CSMD3: variants seen among roughly 807,000 people sequenced by gnomAD.
CSMD3 encodes the protein CUB and Sushi multiple domains 3.
Under a neutral mutation model 435.2 loss-of-function variants are expected in CSMD3, and 177 were observed. The observed-to-expected ratio is 0.41, with a 90% CI of 0.36 to 0.46. The LOEUF is 0.46. CSMD3 is among the 20% of genes least tolerant of loss of function. The probability of loss-of-function intolerance (pLI) is 0.34; values close to 1 mark genes in which losing one functional copy is unlikely to be tolerated. For synonymous variants in CSMD3, 1,656 were observed against 1,520.5 expected, an observed-to-expected ratio of 1.09 and a Z score of -2.07; for missense variants, 4,265 against 4,504.6, an observed-to-expected ratio of 0.95 and a Z score of 1.52.
At chr8:112,904,106 G>C (rs1024594579) in intron 10 of CSMD3, among the ~76,000 whole-genome samples, 4 of 151,198 alleles carry the variant, frequency 2.6e-5, no homozygotes, top group African/African-American at 9.7e-5. Flanking sequence ...ATGATGTTTA[G>C]CTGGGAACTG....
At position 113,250,653 on chromosome 8, in the gene CSMD3, T is replaced by C. The variant is rs181422793; in HGVS notation, c.514+27939A>G. 5.3e-5 allele frequency among the ~76,000 whole-genome samples: 8 copies of C among 152,234 alleles called. No individual in the cohort carries two copies. The East Asian group carries it at 9.6e-4, about 18-fold the overall frequency. ...GCCAAACAGACAATCTTGTGTCTGA[T>C]GGATTAAATATGGTCAAAATGTAGA... On this transcript the variant is annotated intron_variant, in intron 3 of 70. Coordinates refer to ENST00000297405, the MANE Select transcript of CSMD3 (RefSeq NM_198123.2).
chr8:112,670,999 A>G (rs1156563602), intron 16 of CSMD3, among the ~76,000 whole-genome samples: 1 of 152,208 alleles, frequency 6.6e-6, no homozygotes, highest in Non-Finnish European at 1.5e-5. Context: ...GTATATCACT[A>G]CAACACTGAG....
intron 6 of CSMD3, among the ~76,000 whole-genome samples, chr8:113,018,497 T>C (rs1025264121): frequency 3.9e-5 from 6 of 152,142 alleles, no homozygotes; most frequent in Non-Finnish European, 8.8e-5. Flanking sequence ...TACACTAAGC[T>C]CACATAGTAT....
intron 56 of CSMD3, among the ~76,000 whole-genome samples, chr8:112,289,903 TAAG>T (rs1450653675): frequency 6.6e-6 from 1 of 152,078 alleles, no homozygotes; most frequent in Non-Finnish European, 1.5e-5. Context: ...CTGTGAAAGT[TAAG>T]GAGAAGATTA....
intron 22 of CSMD3, among the ~76,000 whole-genome samples, chr8:112,615,967 A>G (rs1299969112): frequency 1.3e-5 from 2 of 152,168 alleles, no homozygotes; most frequent in African/African-American, 4.8e-5. Flanking sequence ...AGATACTTCC[A>G]TGAACAGTGG....
intron 32 of CSMD3, among the ~76,000 whole-genome samples, chr8:112,470,481 T>C (rs987877109): frequency 2.0e-5 from 3 of 152,116 alleles, no homozygotes; most frequent in African/African-American, 7.2e-5. Flanking sequence ...ACTTTAGAGA[T>C]GTGTAGGGTT....
intron 59 of CSMD3, among the ~76,000 whole-genome samples, chr8:112,278,469 T>C (rs1384348819): frequency 6.6e-6 from 1 of 152,164 alleles, no homozygotes; most frequent in African/African-American, 2.4e-5. Context: ...CTTAGACTTA[T>C]CTGTGTGTCT....
intron 7 of CSMD3, among the ~76,000 whole-genome samples, chr8:112,971,573 A>T (rs2084660136): frequency 6.6e-6 from 1 of 152,200 alleles, no homozygotes; most frequent in Admixed American, 6.5e-5. Context: ...CTTTGCAAAT[A>T]TAAAATTTTA....
At chr8:112,363,354 T>C (rs1827441277) in intron 38 of CSMD3, among the ~76,000 whole-genome samples, 1 of 152,002 alleles carries the variant, frequency 6.6e-6, no homozygotes, top group Non-Finnish European at 1.5e-5. Flanking sequence ...TATACTTTTC[T>C]TCTTGTCACG....
intron 13 of CSMD3, among the ~76,000 whole-genome samples, chr8:112,705,681 G>C (rs1352518594): frequency 6.6e-6 from 1 of 151,924 alleles, no homozygotes; most frequent in African/African-American, 2.4e-5. Flanking sequence ...AAAGGATACA[G>C]TCTATAAGAG....
chr8:112,516,357 A>G (rs940386959), intron 28 of CSMD3, among the ~76,000 whole-genome samples: 3 of 152,182 alleles, frequency 2.0e-5, no homozygotes, highest in Non-Finnish European at 4.4e-5. Flanking sequence ...CCTGAACAGA[A>G]CAAAAAAGTT....
chr8:113,312,929 G>A (rs1224842073), intron 2 of CSMD3: 1 of 152,096 alleles, frequency 6.6e-6, no homozygotes, highest in Non-Finnish European at 1.5e-5. Context: ...CGGTAAACGA[G>A]TATAGAGGAA....
chr8:112,391,510 G>T (rs1350901737), intron 35 of CSMD3, among the ~76,000 whole-genome samples: 1 of 152,020 alleles, frequency 6.6e-6, no homozygotes, highest in Admixed American at 6.6e-5. Context: ...TGGCCAATAT[G>T]GTGAAACCCC....
intron 4 of CSMD3, among the ~76,000 whole-genome samples, chr8:113,132,784 G>T (rs920451039): frequency 6.6e-6 from 1 of 152,130 alleles, no homozygotes; most frequent in Non-Finnish European, 1.5e-5. Context: ...TGTGCATTGG[G>T]AATAGGGAAG....
intron 13 of CSMD3, among the ~76,000 whole-genome samples, chr8:112,729,569 G>T (rs1187277839): frequency 6.6e-6 from 1 of 152,084 alleles, no homozygotes; most frequent in African/African-American, 2.4e-5. Context: ...AATGATCTTT[G>T]CAGATGTAAT....
At chr8:112,685,343 C>T (rs1319166018) in intron 15 of CSMD3, 63 bp downstream of exon 15, 1 of 1,369,496 alleles carries the variant, frequency 7.3e-7, no homozygotes, top group Non-Finnish European at 1.0e-6. Flanking sequence ...TATACATGAT[C>T]ACTTTTCAAC....
At chr8:113,196,253 A>G (rs1278499063) in intron 3 of CSMD3, among the ~76,000 whole-genome samples, 1 of 151,164 alleles carries the variant, frequency 6.6e-6, no homozygotes, top group Non-Finnish European at 1.5e-5. Context: ...TGGAAAACTG[A>G]AAAAATATAT....
chr8:112,427,364 T>C (rs1813174601), intron 32 of CSMD3, among the ~76,000 whole-genome samples: 1 of 152,084 alleles, frequency 6.6e-6, no homozygotes, highest in Admixed American at 6.6e-5. Flanking sequence ...GGTGGTTACC[T>C]CCATGCTGTT....
chr8:112,473,823 T>G (rs1200582754), intron 31 of CSMD3, among the ~76,000 whole-genome samples: 1 of 151,096 alleles, frequency 6.6e-6, no homozygotes, highest in Admixed American at 6.6e-5. Flanking sequence ...GACAGGAACT[T>G]GTACCTTTTT....
Sources: gnomAD v4.1 joint callset for allele counts (sites outside exome capture counted in the v4.1 genomes callset) on GRCh38, gnomAD v4.1.1 for gene constraint, MANE v1.5 for transcripts, NCBI Gene and HGNC (gene_info 2026-07-23, HGNC 2026-07-21) for gene names.